RORB: variants seen among roughly 807,000 people sequenced by gnomAD.
RORB encodes nuclear receptor ROR-beta.
A neutral mutation model predicts 59.1 loss-of-function variants in RORB; 6 were observed. The observed-to-expected ratio is 0.10, with a 90% confidence interval of 0.06 to 0.20. The LOEUF (loss-of-function observed/expected upper bound fraction) is 0.20, where lower values mean the gene tolerates loss of function less well. Ranked by LOEUF, RORB falls within the 10% of genes least tolerant of loss-of-function variation. The pLI is 1.00. For synonymous variants in RORB, 215 were observed against 204.5 expected (o/e 1.05, Z -0.44); for missense variants, 320 against 560.5 (o/e 0.57, Z 4.33).
chr9:74,640,926 G>A (rs1823793048), intron 3 of RORB, among the ~76,000 whole-genome samples: 1 of 152,190 alleles, frequency 6.6e-6, no homozygotes, highest in South Asian at 2.1e-4. Flanking sequence ...AATCTCTTCT[G>A]TGTTCCCTTT....
intron 9 of RORB, among the ~76,000 whole-genome samples, chr9:74,682,607 T>A (rs1563973838): frequency 6.6e-6 from 1 of 152,130 alleles, no homozygotes; most frequent in Non-Finnish European, 1.5e-5. Flanking sequence ...AACTCAGGAA[T>A]TTCATTACTT....
intron 1 of RORB, among the ~76,000 whole-genome samples, chr9:74,506,784 C>T (rs1296325537): frequency 6.6e-6 from 1 of 152,016 alleles, no homozygotes; most frequent in Non-Finnish European, 1.5e-5. Flanking sequence ...CAGAGTCATA[C>T]CTTTTAAGTC....
In RORB at chr9:74,587,604, C is replaced by T. The variant is rs1174234929; in HGVS notation, c.8-42678C>T. On this transcript the variant is annotated intron_variant, in intron 1 of 9. Coordinates refer to ENST00000376896, the MANE Select transcript of RORB (RefSeq NM_006914.4). The stretch of plus-strand genomic sequence containing the variant: ...GGTCAGCTGAGGACTCAGCTAGGGA[C>T]GGATGATCCAGGATGGCCTTACCCA... 3.9e-5 allele frequency among the ~76,000 whole-genome samples: 6 copies of T among 152,084 alleles called. No homozygotes were observed. The East Asian group carries it at 5.8e-4, about 15-fold the overall frequency.
intron 9 of RORB, 59 bp from the exon 10 acceptor site, chr9:74,685,404 C>A: frequency 2.1e-6 from 3 of 1,397,174 alleles, no homozygotes; most frequent in Non-Finnish European, 2.9e-6. Context: ...ACTGGTTCCA[C>A]AGACAGAGCA....
intron 1 of RORB, among the ~76,000 whole-genome samples, chr9:74,524,438 T>A (rs530380201): frequency 6.6e-6 from 1 of 152,038 alleles, no homozygotes; most frequent in East Asian, 1.9e-4. Context: ...TTGAAGGAAA[T>A]TCAAAGGTCT....
chr9:74,535,905 GGTT>G (rs912126205), intron 1 of RORB, among the ~76,000 whole-genome samples: 3 of 151,888 alleles, frequency 2.0e-5, no homozygotes, highest in Admixed American at 6.6e-5. Flanking sequence ...AGGATTTTAG[GGTT>G]GTTGTTGTTG....
At chr9:74,647,980 A>AT (rs1366642120) in intron 4 of RORB, among the ~76,000 whole-genome samples, 1 of 152,222 alleles carries the variant, frequency 6.6e-6, no homozygotes, top group Non-Finnish European at 1.5e-5. Context: ...CTAACTACCC[A>AT]TGCAGAAATG....
intron 1 of RORB, among the ~76,000 whole-genome samples, chr9:74,577,637 TGCAAAGTGAAATGGG>T (rs569121428): frequency 4.1e-4 from 62 of 152,230 alleles, no homozygotes; most frequent in African/African-American, 1.4e-3. Context: ...CCATTATGGA[TGCAAAGTGAAATGGG>T]GCAGAGACAC....
intron 3 of RORB, among the ~76,000 whole-genome samples, chr9:74,636,557 T>C (rs1480489960): frequency 1.3e-5 from 2 of 152,142 alleles, no homozygotes; most frequent in African/African-American, 4.8e-5. Flanking sequence ...CCACAATTTA[T>C]TCTCAAGAAG....
chr9:74,666,392 T>C (rs1039998939), intron 7 of RORB, among the ~76,000 whole-genome samples: 2 of 151,728 alleles, frequency 1.3e-5, no homozygotes, highest in Non-Finnish European at 2.9e-5. Flanking sequence ...CCCTGGGAGA[T>C]TGAGGCTACA....
intron 4 of RORB, among the ~76,000 whole-genome samples, chr9:74,643,301 C>T (rs1823841568): frequency 6.6e-6 from 1 of 152,166 alleles, no homozygotes; most frequent in African/African-American, 2.4e-5. Context: ...GGCGATAGAC[C>T]AGAAGACCGC....
intron 3 of RORB, among the ~76,000 whole-genome samples, chr9:74,638,552 G>GT (rs35085648): frequency 0.31 from 46,429 of 152,094 alleles, 8,257 homozygotes; most frequent in East Asian, 0.54. Flanking sequence ...AATAACTCAA[G>GT]TTTGAGAGGG....
intron 4 of RORB, among the ~76,000 whole-genome samples, chr9:74,659,667 GT>G (rs973859199): frequency 2.0e-5 from 3 of 150,502 alleles, no homozygotes; most frequent in East Asian, 2.0e-4. Context: ...ATTTTTTGTG[GT>G]TTTTTTTTAG....
At chr9:74,519,875 C>G (rs1175414359) in intron 1 of RORB, among the ~76,000 whole-genome samples, 1 of 151,954 alleles carries the variant, frequency 6.6e-6, no homozygotes, top group African/African-American at 2.4e-5. Context: ...CCACTAGTCC[C>G]GTTGATCATT....
rs1463528222 is a variant in RORB at position 74,642,577 on chromosome 9, GAAC to G, written c.403_405del (p.Asn135del). On this transcript the variant is annotated inframe_deletion, in exon 4 of 10. Coordinates refer to ENST00000376896, the MANE Select transcript of RORB (RefSeq NM_006914.4). ...GCATTAGCAACGGCCTGAGCAACCT[GAAC>G]AACGAGACCAGCGGCACTTATGCCA... 5.6e-6 allele frequency: 9 copies of G among 1,614,184 alleles called. No individual in the cohort carries two copies. The highest frequency in any genetic ancestry group is 1.7e-5 in the Admixed American group (1 of 60,026).
In RORB at chr9:74,498,154, C is replaced by T; in HGVS notation, c.7+171C>T. ...CAAATGGCCTGGGCGTAGAAAGTTG[C>T]GGGAAGGTGTTGATGTCTTTCGGGA... On this transcript the variant is annotated intron_variant, in intron 1 of 9. Transcript: ENST00000376896. The T allele has an allele frequency of 1.1e-5, 8 of 753,926 alleles. No individual in the cohort carries two copies. In the South Asian group the frequency reaches 1.3e-4, roughly 13 times the overall value. 46.7% of individuals were successfully genotyped at this position (753,926 alleles called of 1,614,324 possible). A position where few individuals can be genotyped will look rare whatever the true frequency, so the allele number is the denominator to read the frequency against.
At chr9:74,528,625 C>G (rs1021294599) in intron 1 of RORB, among the ~76,000 whole-genome samples, 9 of 152,000 alleles carry the variant, frequency 5.9e-5, no homozygotes, top group African/African-American at 2.2e-4. Flanking sequence ...CATTTAGGCA[C>G]AACCTGAAAA....
intron 6 of RORB, among the ~76,000 whole-genome samples, chr9:74,662,897 A>C (rs1419397102): frequency 6.6e-6 from 1 of 152,048 alleles, no homozygotes; most frequent in East Asian, 1.9e-4. Context: ...AGGTGGCTGA[A>C]TTGCTGAGCC....
Position 74,674,822 on chromosome 9 carries a change from G to A in RORB, c.1224+2921G>A, listed in dbSNP as rs146683868. On this transcript the variant is annotated intron_variant, in intron 9 of 9. Transcript: ENST00000376896. ...TATCAGCATAATTATGATACATAGC[G>A]TATTTATAATAAACCATCAAAGCCA... Among the ~76,000 whole-genome samples, 19 of 152,212 alleles carry A rather than the reference G, an allele frequency of 1.2e-4. No individual in the cohort carries two copies. In the East Asian group the frequency reaches 1.5e-3, roughly 12 times the overall value.
Sources: allele counts gnomAD v4.1 joint callset (sites outside exome capture counted in the v4.1 genomes callset), GRCh38; gene constraint gnomAD v4.1.1; transcripts MANE v1.5; gene names NCBI Gene and HGNC (gene_info 2026-07-23, HGNC 2026-07-21).